Variants in MAN2C1 observed in about 807,000 individuals in gnomAD.
MAN2C1 encodes the protein alpha-mannosidase 2C1.
A neutral mutation model predicts 126.9 loss-of-function variants in MAN2C1; 111 were observed. That is an observed-to-expected ratio of 0.87 (90% CI 0.75 to 1.02). MAN2C1 has a LOEUF of 1.02. MAN2C1 is among the 50% of genes least tolerant of loss of function. The pLI, the probability that MAN2C1 is intolerant of heterozygous loss-of-function variation, is 0.00. For missense variants in MAN2C1, 1,363 were observed against 1,364.4 expected (o/e 1.00, Z 0.02); for synonymous variants, 567 against 561.5 (o/e 1.01, Z -0.14).
At position 75,362,952 on chromosome 15, in the gene MAN2C1, G is replaced by A. The variant is rs1366819885; in HGVS notation, c.791-204C>T. 6.9e-6 allele frequency: 4 copies of A among 577,522 alleles called. No individual in the cohort carries two copies. Among genetic ancestry groups the A allele is most frequent in the South Asian group, 2.0e-5 (1 of 50,904 alleles). 35.8% of individuals were successfully genotyped at this position (577,522 alleles called of 1,614,324 possible). A position where few individuals can be genotyped will look rare whatever the true frequency, so the allele number is the denominator to read the frequency against. On this transcript the variant is annotated intron_variant, in intron 6 of 25. Coordinates refer to ENST00000267978, the MANE Select transcript of MAN2C1 (RefSeq NM_006715.4). The surrounding 1 kb of genome is among the most constrained non-coding windows in gnomAD (Gnocchi z 4.5). ...GGGAAAGGAGGCGGCAGTGCTATGA[G>A]GCCAATTATACAGGTCAGGAAATGG... is the stretch of plus-strand genomic sequence containing the variant.
Position 75,362,434 on chromosome 15 carries a change from AC to A in MAN2C1, c.916del (p.Val306Ter). The A allele has an allele frequency of 3.1e-6, 5 of 1,612,982 alleles. No homozygotes were observed. The highest frequency in any genetic ancestry group is 4.2e-6 in the Non-Finnish European group (5 of 1,179,774). On this transcript the variant is annotated frameshift_variant, in exon 8 of 26. Coordinates refer to ENST00000267978, the MANE Select transcript of MAN2C1 (RefSeq NM_006715.4). LOFTEE classifies it high-confidence loss of function. This position sits in a 1 kb window ranked among gnomAD's most constrained non-coding sequence, Gnocchi z 4.5. ...ACSQAQQLEW[V>X]KSRYPGLYSR... is the part of the protein sequence containing the mutation. ...GTACAGGCCAGGGTAGCGGCTCTTC[AC>A]CCATTCCAGCTGCTGCGCCTGTGGG...
chr15:75,358,762 CA>C lies in MAN2C1; in HGVS notation c.2187del (p.Phe729LeufsTer83). ...EGAVGNQFVLFDDVPLYWDAW... is the reference protein window; with the variant it reads ...EGAVGNQFVLXDDVPLYWDAW... Reference sequence around the variant, plus strand: ...GCATCCCAGTACAAGGGGACATCATCAAATAGCACAAACTGGTTCCCCACGG... The same window carrying C: ...GCATCCCAGTACAAGGGGACATCATCAATAGCACAAACTGGTTCCCCACGG... On this transcript the variant is annotated frameshift_variant, in exon 19 of 26. Transcript: ENST00000267978. LOFTEE classifies it high-confidence loss of function. 6.2e-7 allele frequency: 1 copy of C among 1,614,066 alleles called. No individual in the cohort carries two copies.
In MAN2C1 at chr15:75,356,948, T is replaced by C. The variant is rs2072333014; in HGVS notation, c.2548-46A>G. ...CCACTTGGTGGCCCTGTGCCCCTCT[T>C]TGTGCTCCCAGACTCCAGAGCTCCT... On this transcript the variant is annotated intron_variant, in intron 21 of 25. Coordinates refer to ENST00000267978, the MANE Select transcript of MAN2C1 (RefSeq NM_006715.4). The surrounding 1 kb of genome is among the most constrained non-coding windows in gnomAD (Gnocchi z 5.8). 1 of 1,514,640 alleles carries C rather than the reference T, an allele frequency of 6.6e-7. No homozygotes were observed. The highest frequency in any genetic ancestry group is 1.1e-5 in the South Asian group (1 of 88,644). 93.8% of individuals were successfully genotyped at this position (1,514,640 alleles called of 1,614,324 possible).
Position 75,361,532 on chromosome 15 carries a change from A to C in MAN2C1, c.1218+72T>G. On this transcript the variant is annotated intron_variant, in intron 10 of 25. Coordinates refer to ENST00000267978, the MANE Select transcript of MAN2C1 (RefSeq NM_006715.4). The surrounding 1 kb of genome is among the most constrained non-coding windows in gnomAD (Gnocchi z 5.0). Reference sequence around the variant, plus strand: ...GGTGGTCTGTCTAGGACCCCACAATAAGGGGGAGAGGCAAATGGGCCAGGC... The same window carrying C: ...GGTGGTCTGTCTAGGACCCCACAATCAGGGGGAGAGGCAAATGGGCCAGGC... 1 of 1,332,800 alleles carries C rather than the reference A, an allele frequency of 7.5e-7. No homozygotes were observed. Among genetic ancestry groups the C allele is most frequent in the Non-Finnish European group, 1.1e-6 (1 of 925,418 alleles). 82.6% of individuals were successfully genotyped at this position (1,332,800 alleles called of 1,614,324 possible).
chr15:75,357,609 A>C (rs2072359345), intron 21 of MAN2C1: 2 of 141,542 alleles, frequency 1.4e-5, no homozygotes, highest in Admixed American at 7.1e-5. Context: ...CGCCTGGCCA[A>C]TTTTTGTATT....
In MAN2C1 at chr15:75,356,951, T is replaced by G. The variant is rs774723862; in HGVS notation, c.2548-49A>C. 6.7e-7 allele frequency: 1 copy of G among 1,494,310 alleles called. No homozygotes were observed. Among genetic ancestry groups the G allele is most frequent in the South Asian group, 1.1e-5 (1 of 88,066 alleles). 92.6% of individuals were successfully genotyped at this position (1,494,310 alleles called of 1,614,324 possible). On this transcript the variant is annotated intron_variant, in intron 21 of 25. Transcript: ENST00000267978. The surrounding 1 kb of genome is among the most constrained non-coding windows in gnomAD (Gnocchi z 5.8). ...CTTGGTGGCCCTGTGCCCCTCTTTG[T>G]GCTCCCAGACTCCAGAGCTCCTGTC...
At chr15:75,367,203 G>C (rs574057892) in intron 3 of MAN2C1, among the ~76,000 whole-genome samples, 52 of 152,156 alleles carry the variant, frequency 3.4e-4, no homozygotes, top group African/African-American at 1.1e-3. Context: ...AACCTGATAA[G>C]GGTGGAGCAT....
chr15:75,368,509 G>T lies in MAN2C1; in HGVS notation c.75C>A (p.Tyr25Ter), dbSNP rs1242149886. Residue 25 changes from tyrosine (Y) to a stop codon, truncating the protein, a stop_gained, in exon 1 of 26, where the codon TAC (tyrosine) becomes TAA (stop). Coordinates refer to ENST00000267978, the MANE Select transcript of MAN2C1 (RefSeq NM_006715.4). LOFTEE classifies it high-confidence loss of function. ...TGCCGCGGAGGTTACAGTCGGTAAA[G>T]TAGAGCGGCGACACGAACTTCTCCA... ...ERVEKFVSPL[Y>*]FTDCNLRGRL... 18 of 1,555,468 alleles carry T rather than the reference G, an allele frequency of 1.2e-5. No individual in the cohort carries two copies. The highest frequency in any genetic ancestry group is 1.5e-5 in the Non-Finnish European group (17 of 1,150,172).
rs2072500891 is a variant in MAN2C1, at chr15:75,362,748, G to A, written c.791C>T (p.Ala264Val). ...HATGHCHIDT[A>V]WLWPFKETVR... ...AGTCTCTTTGAAGGGCCAAAGCCAG[G>A]CTATACGGGGAGTGAGGTGGAGGAC... The change falls in exon 7 of 26, where the codon GCC (alanine) becomes GTC (valine). Residue 264 changes from alanine (A) to valine (V), a missense_variant and splice_region_variant. Transcript: ENST00000267978. This position sits in a 1 kb window ranked among gnomAD's most constrained non-coding sequence, Gnocchi z 4.5. The A allele has an allele frequency of 4.3e-6, 7 of 1,613,592 alleles. No homozygotes were observed. The highest frequency in any genetic ancestry group is 1.3e-5 in the African/African-American group (1 of 74,918).
rs2072392726 is a variant in MAN2C1 at position 75,358,625 on chromosome 15, G to A, written c.2247-7C>T. ...CTGGCCCAGCACAGGCTTCCTATGG[G>A]ACAGGGGTGGACATACTGATCCAGA... On this transcript the variant is annotated splice_region_variant and splice_polypyrimidine_tract_variant and intron_variant, in intron 19 of 25. Transcript: ENST00000267978. The A allele has an allele frequency of 1.2e-6, 2 of 1,612,554 alleles. No individual in the cohort carries two copies. The highest frequency in any genetic ancestry group is 1.7e-5 in the Admixed American group (1 of 59,928).
Position 75,356,175 on chromosome 15 carries a change from A to C in MAN2C1, c.2931T>G (p.Tyr977Ter). 1 of 1,613,610 alleles carries C rather than the reference A, an allele frequency of 6.2e-7. No individual in the cohort carries two copies. Among genetic ancestry groups the C allele is most frequent in the South Asian group, 1.1e-5 (1 of 91,080 alleles). ...PQRRSLVLRL[Y>*]EAHGSHVDCW... ...AGTCCACGTGGCTGCCGTGGGCCTCATACAGCCTCAGGACCAGCGAGCGGC... is the reference window on the plus strand; with the variant it reads ...AGTCCACGTGGCTGCCGTGGGCCTCCTACAGCCTCAGGACCAGCGAGCGGC... The change falls in exon 25 of 26, where the codon TAT (tyrosine) becomes TAG (stop). Residue 977 changes from tyrosine to a stop codon, truncating the protein, a stop_gained. Coordinates refer to ENST00000267978, the MANE Select transcript of MAN2C1 (RefSeq NM_006715.4). LOFTEE classifies it high-confidence loss of function. This position sits in a 1 kb window ranked among gnomAD's most constrained non-coding sequence, Gnocchi z 5.8.
Position 75,368,088 on chromosome 15 carries a change from TCGCCGACCTGCGCGGGGCGGAAGTCC to T in MAN2C1, c.186_211del (p.Asp63GlnfsTer33), listed in dbSNP as rs1275664055. On this transcript the variant is annotated frameshift_variant, in exon 2 of 26. Coordinates refer to ENST00000267978, the MANE Select transcript of MAN2C1 (RefSeq NM_006715.4). LOFTEE classifies it high-confidence loss of function. ...CGTTACCTACGTGGGTCCGAAGCTG[TCGCCGACCTGCGCGGGGCGGAAGTCC>T]CGCTGGACTGCCTCCTGGTAGGGAA... 1.9e-5 allele frequency: 30 copies of T among 1,607,592 alleles called. No individual in the cohort carries two copies. The highest frequency in any genetic ancestry group is 2.5e-5 in the Non-Finnish European group (29 of 1,178,090).
At chr15:75,368,351 C>T (rs2072632528) in intron 1 of MAN2C1, 132 bp downstream of exon 1, 9 of 1,390,324 alleles carry the variant, frequency 6.5e-6, no homozygotes, top group Admixed American at 2.3e-5. Flanking sequence ...CCCCTCCTCC[C>T]CGGCCCCTGC....
In MAN2C1 at chr15:75,356,222, G is replaced by A; in HGVS notation, c.2887-3C>T. 1 of 1,613,052 alleles carries A rather than the reference G, an allele frequency of 6.2e-7. No homozygotes were observed. Among genetic ancestry groups the A allele is most frequent in the South Asian group, 1.1e-5 (1 of 91,008 alleles). ...CGGCGCTGGGGGCTGCTCTCCGCCT[G>A]CAGAGGAACACGTCTGGTGGGAGGG... On this transcript the variant is annotated splice_region_variant and splice_polypyrimidine_tract_variant and intron_variant, in intron 24 of 25. Coordinates refer to ENST00000267978, the MANE Select transcript of MAN2C1 (RefSeq NM_006715.4). The surrounding 1 kb of genome is among the most constrained non-coding windows in gnomAD (Gnocchi z 5.8).
At chr15:75,358,399 G>A in intron 20 of MAN2C1, 55 bp from the exon 21 acceptor site, 1 of 1,613,314 alleles carries the variant, frequency 6.2e-7, no homozygotes, top group Non-Finnish European at 8.5e-7. Flanking sequence ...ACCAAGGCCT[G>A]GGGCTGGCCC....
At chr15:75,367,979 T>C in intron 2 of MAN2C1, 94 bp downstream of exon 2, 4 of 1,451,948 alleles carry the variant, frequency 2.8e-6, no homozygotes, top group Non-Finnish European at 3.7e-6. Context: ...CGTAGTTGTC[T>C]ACGGCAGAGG....
Position 75,356,760 on chromosome 15 carries a change from C to A in MAN2C1, c.2657+33G>T. On this transcript the variant is annotated intron_variant, in intron 22 of 25. Coordinates refer to ENST00000267978, the MANE Select transcript of MAN2C1 (RefSeq NM_006715.4). This position sits in a 1 kb window ranked among gnomAD's most constrained non-coding sequence, Gnocchi z 5.8. ...GGTCGGGAAGACCCATTTCTCCATG[C>A]CAGCTCCCAGGCCTGGTGGGTACCC... is the stretch of plus-strand genomic sequence containing the variant. The A allele has an allele frequency of 1.2e-6, 2 of 1,613,132 alleles. No homozygotes were observed.
In MAN2C1 at chr15:75,361,610, G is replaced by A. The variant is rs1463480666; in HGVS notation, c.1212C>T (p.Ser404=). Residue 404 remains serine (S), a synonymous_variant, in exon 10 of 26, where the codon TCC becomes TCT. Transcript: ENST00000267978. The surrounding 1 kb of genome is among the most constrained non-coding windows in gnomAD (Gnocchi z 5.0). ...TQKLSWNLVN[S]FPHHTFFWEG... is the part of the protein sequence containing the mutation. ...CCCCCGGGGGCCTGCTTACTGGGAA[G>A]GAGTTCACCAAATTCCAGCTCAATT... 4 of 1,613,132 alleles carry A rather than the reference G, an allele frequency of 2.5e-6. No individual in the cohort carries two copies. The highest frequency in any genetic ancestry group is 1.6e-4 in the Middle Eastern group (1 of 6,082).
chr15:75,358,193 TG>T lies in MAN2C1; in HGVS notation c.2547+7del. On this transcript the variant is annotated splice_region_variant and intron_variant, in intron 21 of 25. Coordinates refer to ENST00000267978, the MANE Select transcript of MAN2C1 (RefSeq NM_006715.4). ...GTCCAAGGCCACTCCCACCCTGCCA[TG>T]TCAGACCTCAAATCGAGCCCAGTCC... 6.2e-7 allele frequency: 1 copy of T among 1,614,022 alleles called. No individual in the cohort carries two copies. Among genetic ancestry groups the T allele is most frequent in the Admixed American group, 1.7e-5 (1 of 60,026 alleles).
Sources: allele counts gnomAD v4.1 joint callset (sites outside exome capture counted in the v4.1 genomes callset), GRCh38; gene constraint gnomAD v4.1.1; non-coding constraint Gnocchi (gnomAD v3.1); transcripts MANE v1.5; gene names NCBI Gene and HGNC (gene_info 2026-07-23, HGNC 2026-07-21).